The following EML4 variants were observed in gnomAD, a reference collection of about 807,000 sequenced individuals.
EML4 encodes EMAP like 4.
Under a neutral mutation model 129.0 loss-of-function variants are expected in EML4, and 72 were observed. The observed-to-expected ratio is 0.56, with a 90% CI of 0.46 to 0.68. EML4 has a LOEUF of 0.68. EML4 is among the 30% of genes least tolerant of loss of function. The pLI is 0.00. For missense variants in EML4, 1,363 were observed against 1,190.6 expected (o/e 1.14, Z -2.13); for synonymous variants, 532 against 405.0 (o/e 1.31, Z -3.77).
chr2:42,295,579 TC>T, intron 13 of EML4, 63 bp downstream of exon 13: 1 of 1,453,860 alleles, frequency 6.9e-7, no homozygotes, highest in South Asian at 1.3e-5. Flanking sequence ...TTCAGTCCCA[TC>T]TCTTAGACCA....
rs922950485 is a variant in EML4, at chr2:42,216,921, C to T, written c.26-28584C>T. On this transcript the variant is annotated intron_variant, in intron 1 of 22. Transcript: ENST00000318522. ...TGAAAGTGATGAAATGGCAGAGAAA[C>T]AAAGTAGTTGGAAGGAATAAAGATC... Among the ~76,000 whole-genome samples, 5 of 152,032 alleles carry T rather than the reference C, an allele frequency of 3.3e-5. No individual in the cohort carries two copies. In the East Asian group the frequency reaches 9.6e-4, roughly 29 times the overall value.
chr2:42,189,213 G>T (rs1323626532), intron 1 of EML4, among the ~76,000 whole-genome samples: 1 of 152,096 alleles, frequency 6.6e-6, no homozygotes, highest in African/African-American at 2.4e-5. Context: ...AGTTACTGTG[G>T]GGAGCACCTG....
Position 42,184,506 on chromosome 2 carries a change from G to A in EML4, c.25+14870G>A, listed in dbSNP as rs1359530497. Among the ~76,000 whole-genome samples the A allele has an allele frequency of 2.0e-5, 3 of 151,502 alleles. No homozygotes were observed. In the East Asian group the frequency reaches 5.8e-4, roughly 29 times the overall value. ...TCTAGTATGGTGTCCAAGTTGTCCT[G>A]CCACCTGGCTCTCACCTACCTTTCC... is the stretch of plus-strand genomic sequence containing the variant. On this transcript the variant is annotated intron_variant, in intron 1 of 22. Coordinates refer to ENST00000318522, the MANE Select transcript of EML4 (RefSeq NM_019063.5).
At chr2:42,200,249 C>T (rs901763922) in intron 1 of EML4, among the ~76,000 whole-genome samples, 7 of 151,938 alleles carry the variant, frequency 4.6e-5, no homozygotes, top group Non-Finnish European at 5.9e-5. Context: ...GGTGTGAACC[C>T]GGGAGGCGGA....
intron 3 of EML4, among the ~76,000 whole-genome samples, chr2:42,259,345 G>C (rs1169578877): frequency 6.6e-6 from 1 of 152,034 alleles, no homozygotes; most frequent in East Asian, 1.9e-4. Context: ...GATTCCATCA[G>C]CTTTATAATA....
chr2:42,280,140 A>C (rs1182798864), intron 6 of EML4, among the ~76,000 whole-genome samples: 1 of 152,186 alleles, frequency 6.6e-6, no homozygotes, highest in East Asian at 1.9e-4. Context: ...AGCGTGGTAG[A>C]CATGGTTGTT....
chr2:42,227,956 A>C (rs1381634136), intron 1 of EML4, among the ~76,000 whole-genome samples: 2 of 152,236 alleles, frequency 1.3e-5, no homozygotes, highest in Admixed American at 1.3e-4. Flanking sequence ...ACAGTGGCTC[A>C]CACCTGTAAT....
Position 42,304,541 on chromosome 2 carries a change from C to A in EML4, c.1957C>A (p.His653Asn). ...PSGTVVAIGT[H>N]SGRWFVLDAE... ...TGGCACAGTGGTGGCCATAGGAACG[C>A]ACTCAGGCAGGTAGGGTCTTTAAGT... The change falls in exon 17 of 23, where the codon CAC becomes AAC. Residue 653 changes from histidine (H) to asparagine (N), a missense_variant. Physicochemically the swap from His to Asn is moderately conservative, Grantham distance 68. Transcript: ENST00000318522. 6.2e-7 allele frequency: 1 copy of A among 1,613,676 alleles called. No individual in the cohort carries two copies. The highest frequency in any genetic ancestry group is 8.5e-7 in the Non-Finnish European group (1 of 1,179,594).
chr2:42,244,205 T>C (rs1390292640), intron 1 of EML4, among the ~76,000 whole-genome samples: 2 of 150,836 alleles, frequency 1.3e-5, no homozygotes, highest in Non-Finnish European at 2.9e-5. Context: ...TTCAAGCAAT[T>C]CTCCTGCCTC....
At chr2:42,243,904 C>G (rs1675196984) in intron 1 of EML4, among the ~76,000 whole-genome samples, 2 of 152,042 alleles carry the variant, frequency 1.3e-5, no homozygotes, top group African/African-American at 4.8e-5. Flanking sequence ...GCCTTATTGT[C>G]TGAATGACTG....
At chr2:42,211,758 C>T (rs1048865805) in intron 1 of EML4, among the ~76,000 whole-genome samples, 1 of 152,002 alleles carries the variant, frequency 6.6e-6, no homozygotes, top group Non-Finnish European at 1.5e-5. Context: ...AAATTTACCC[C>T]TTGTCTTGGT....
intron 1 of EML4, among the ~76,000 whole-genome samples, chr2:42,208,499 A>G (rs966723204): frequency 4.7e-5 from 7 of 150,362 alleles, no homozygotes; most frequent in African/African-American, 1.7e-4. Flanking sequence ...CAGTGGTGCA[A>G]TCTCGGCTGA....
chr2:42,302,839 T>G (rs544302113), intron 14 of EML4, among the ~76,000 whole-genome samples: 2 of 152,250 alleles, frequency 1.3e-5, no homozygotes, highest in South Asian at 4.1e-4. Flanking sequence ...CAGCCTTTTT[T>G]CCCTGTTCTT....
chr2:42,246,167 G>T (rs1238377961), intron 2 of EML4, among the ~76,000 whole-genome samples: 5 of 152,198 alleles, frequency 3.3e-5, no homozygotes, highest in Non-Finnish European at 7.3e-5. Flanking sequence ...TACGAGCCCA[G>T]TATAATGGGA....
At chr2:42,276,118 A>G (rs1666642136) in intron 6 of EML4, among the ~76,000 whole-genome samples, 1 of 152,134 alleles carries the variant, frequency 6.6e-6, no homozygotes, top group Non-Finnish European at 1.5e-5. Flanking sequence ...TCATCTATGT[A>G]TTTTACCTAA....
intron 1 of EML4, among the ~76,000 whole-genome samples, chr2:42,196,806 A>T (rs1248573755): frequency 1.3e-5 from 2 of 152,180 alleles, no homozygotes. Context: ...GAGTTTGTGG[A>T]AGAGAGACTG....
At chr2:42,260,868 A>C (rs1205616439) in intron 3 of EML4, among the ~76,000 whole-genome samples, 1 of 152,216 alleles carries the variant, frequency 6.6e-6, no homozygotes, top group Non-Finnish European at 1.5e-5. Flanking sequence ...AAAGTTTATT[A>C]GAGACCATTT....
chr2:42,259,376 A>G (rs1341528452), intron 3 of EML4, among the ~76,000 whole-genome samples: 3 of 152,196 alleles, frequency 2.0e-5, no homozygotes, highest in African/African-American at 7.2e-5. Context: ...TGTTTTCAGT[A>G]TAAGTATGCT....
chr2:42,176,933 A>G (rs71441185), intron 1 of EML4, among the ~76,000 whole-genome samples: 3,216 of 152,184 alleles, frequency 0.021, 50 homozygotes, highest in Middle Eastern at 0.037. Flanking sequence ...AGGTGGTGTT[A>G]CAGGTGTATG....
Sources: allele counts gnomAD v4.1 joint callset (sites outside exome capture counted in the v4.1 genomes callset), GRCh38; gene constraint gnomAD v4.1.1; transcripts MANE v1.5; gene names NCBI Gene and HGNC (gene_info 2026-07-23, HGNC 2026-07-21).